The following AFG1L variants were observed in gnomAD, a reference collection of about 807,000 sequenced individuals.
AFG1L encodes AFG1-like ATPase.
Under a neutral mutation model 62.2 loss-of-function variants are expected in AFG1L, and 53 were observed. That is an observed-to-expected ratio of 0.85 (90% CI 0.68 to 1.07). The LOEUF is 1.07. AFG1L is among the 50% of genes least tolerant of loss of function. The pLI is 0.00. For missense variants in AFG1L, 555 were observed against 590.5 expected (o/e 0.94, Z 0.62); for synonymous variants, 228 against 210.3 (o/e 1.08, Z -0.73).
At chr6:108,382,583 T>G (rs915461078) in intron 6 of AFG1L, among the ~76,000 whole-genome samples, 3 of 152,220 alleles carry the variant, frequency 2.0e-5, no homozygotes, top group African/African-American at 7.2e-5. Flanking sequence ...AATTCAACAT[T>G]TCTTCATAGA....
intron 1 of AFG1L, among the ~76,000 whole-genome samples, chr6:108,323,046 G>T (rs915807748): frequency 6.6e-6 from 1 of 152,206 alleles, no homozygotes; most frequent in African/African-American, 2.4e-5. Flanking sequence ...GAAGCAGAGG[G>T]CTGAAATCGA....
rs1007451774 is a variant in AFG1L, at chr6:108,439,061, G to A, written c.808-8153G>A. 2.0e-5 allele frequency among the ~76,000 whole-genome samples: 3 copies of A among 152,120 alleles called. No individual in the cohort carries two copies. In the South Asian group the frequency reaches 6.2e-4, roughly 32 times the overall value. On this transcript the variant is annotated intron_variant, in intron 7 of 12. Transcript: ENST00000368977. ...TAATGTTAAAAATTTAGAGCTTAAA[G>A]GGATCGTAATCAATTCCTTTATTTT...
intron 6 of AFG1L, among the ~76,000 whole-genome samples, chr6:108,381,352 T>A (rs1482890679): frequency 1.3e-5 from 2 of 151,458 alleles, no homozygotes; most frequent in South Asian, 2.1e-4. Context: ...TTTTTACTTT[T>A]CTTTTTTTTT....
intron 10 of AFG1L, among the ~76,000 whole-genome samples, chr6:108,497,911 C>A (rs1248877573): frequency 6.6e-6 from 1 of 152,082 alleles, no homozygotes; most frequent in East Asian, 1.9e-4. Context: ...AACTGAGTAA[C>A]AATAAGCATT....
intron 1 of AFG1L, among the ~76,000 whole-genome samples, chr6:108,320,653 A>G (rs1051185924): frequency 1.2e-4 from 19 of 152,084 alleles, no homozygotes; most frequent in African/African-American, 4.6e-4. Flanking sequence ...CAAGTGGCTC[A>G]TTTACTTCTC....
chr6:108,372,476 C>A (rs539681013), intron 6 of AFG1L, among the ~76,000 whole-genome samples: 1 of 151,716 alleles, frequency 6.6e-6, no homozygotes, highest in Non-Finnish European at 1.5e-5. Flanking sequence ...ATTACAGGCA[C>A]GCACTACCAT....
At chr6:108,348,059 GGTTTT>G (rs1006397451) in intron 3 of AFG1L, among the ~76,000 whole-genome samples, 2 of 151,904 alleles carry the variant, frequency 1.3e-5, no homozygotes, top group Non-Finnish European at 2.9e-5. Context: ...TGAATAAGTA[GGTTTT>G]GTTTTGTTTT....
At chr6:108,410,060 C>T (rs1782031052) in intron 7 of AFG1L, among the ~76,000 whole-genome samples, 1 of 152,140 alleles carries the variant, frequency 6.6e-6, no homozygotes, top group South Asian at 2.1e-4. Flanking sequence ...AATCCTAGCA[C>T]TTTGGGAGGC....
At chr6:108,402,509 C>A (rs58733547) in intron 7 of AFG1L, among the ~76,000 whole-genome samples, 14,655 of 141,380 alleles carry the variant, frequency 0.1, 1,046 homozygotes, top group African/African-American at 0.21. Flanking sequence ...GCCAGGGCAA[C>A]ACGGCAAAAC....
At chr6:108,351,370 A>G (rs1281398353) in intron 3 of AFG1L, among the ~76,000 whole-genome samples, 2 of 152,238 alleles carry the variant, frequency 1.3e-5, no homozygotes, top group Non-Finnish European at 2.9e-5. Context: ...AAATGTCATT[A>G]TATGCGTTAC....
chr6:108,430,011 G>A (rs1770999862), intron 7 of AFG1L, among the ~76,000 whole-genome samples: 1 of 151,876 alleles, frequency 6.6e-6, no homozygotes. Flanking sequence ...GCAGTGGCAC[G>A]ATCTCAGCTC....
intron 1 of AFG1L, among the ~76,000 whole-genome samples, chr6:108,308,616 C>T (rs938314315): frequency 1.3e-5 from 2 of 151,986 alleles, no homozygotes; most frequent in African/African-American, 4.8e-5. Context: ...TGGGTCCAAG[C>T]GATCCTCCTA....
At chr6:108,331,653 G>A (rs1778282619) in intron 2 of AFG1L, among the ~76,000 whole-genome samples, 1 of 152,202 alleles carries the variant, frequency 6.6e-6, no homozygotes. Context: ...TTTAATGTAT[G>A]CATAATTGTT....
chr6:108,482,883 A>G (rs924072538), intron 10 of AFG1L, among the ~76,000 whole-genome samples: 2 of 152,076 alleles, frequency 1.3e-5, no homozygotes, highest in Non-Finnish European at 2.9e-5. Context: ...GTCTGAGATA[A>G]TGTTTGTCAG....
chr6:108,334,445 A>G (rs1216228994), intron 2 of AFG1L, among the ~76,000 whole-genome samples: 1 of 151,978 alleles, frequency 6.6e-6, no homozygotes, highest in Non-Finnish European at 1.5e-5. Flanking sequence ...TAATCCCAGC[A>G]CTTTGGGAAA....
At chr6:108,472,871 T>G (rs1772959555) in intron 8 of AFG1L, among the ~76,000 whole-genome samples, 1 of 151,742 alleles carries the variant, frequency 6.6e-6, no homozygotes, top group Non-Finnish European at 1.5e-5. Flanking sequence ...TGGCATGATC[T>G]TGGGTCACTG....
Position 108,366,270 on chromosome 6 carries a change from T to A in AFG1L, c.686T>A (p.Leu229His), listed in dbSNP as rs143743654. 5.8e-5 allele frequency: 94 copies of A among 1,611,422 alleles called. No homozygotes were observed. Among genetic ancestry groups the A allele is most frequent in the African/African-American group, 5.2e-4 (39 of 75,002 alleles). Residue 229 changes from leucine to histidine, a missense_variant, in exon 6 of 13, where the codon CTT (leucine) becomes CAT (histidine). By Grantham distance (99) the Leu-to-His change is moderately conservative. Coordinates refer to ENST00000368977, the MANE Select transcript of AFG1L (RefSeq NM_145315.5). ...GCTGATGCCATGATTCTGAAACAGCTTTTTGAAAATCTGTTCAAAAACGGG... is the reference window on the plus strand; with the variant it reads ...GCTGATGCCATGATTCTGAAACAGCATTTTGAAAATCTGTTCAAAAACGGG... ...DIADAMILKQLFENLFKNGVV... is the reference protein window; with the variant it reads ...DIADAMILKQHFENLFKNGVV...
At chr6:108,448,453 A>G (rs1771907670) in intron 8 of AFG1L, among the ~76,000 whole-genome samples, 1 of 151,030 alleles carries the variant, frequency 6.6e-6, no homozygotes, top group South Asian at 2.1e-4. Context: ...TATTCTCTTT[A>G]TTCTTTTTTT....
intron 7 of AFG1L, among the ~76,000 whole-genome samples, chr6:108,422,399 G>A (rs1049225089): frequency 1.4e-5 from 2 of 140,188 alleles, no homozygotes; most frequent in Admixed American, 7.8e-5. Context: ...CACCTAAAAT[G>A]CAGTTATCAA....
Sources: gnomAD v4.1 joint callset for allele counts (sites outside exome capture counted in the v4.1 genomes callset) on GRCh38, gnomAD v4.1.1 for gene constraint, MANE v1.5 for transcripts, NCBI Gene and HGNC (gene_info 2026-07-23, HGNC 2026-07-21) for gene names.